CPNE4: variants seen among roughly 807,000 people sequenced by gnomAD.
CPNE4 encodes the protein copine 4.
In CPNE4, 25 loss-of-function variants were observed where a neutral mutation model predicts 67.9. That is an observed-to-expected ratio of 0.37 (90% CI 0.27 to 0.51). The LOEUF (loss-of-function observed/expected upper bound fraction) is 0.51, where lower values mean the gene tolerates loss of function less well. Among genes scored for constraint, CPNE4 ranks in the 20% least tolerant of loss-of-function variants. CPNE4 has a pLI of 0.93. For synonymous variants in CPNE4, 242 were observed against 244.9 expected (o/e 0.99, Z 0.11); for missense variants, 464 against 690.8 (o/e 0.67, Z 3.68).
At chr3:131,906,211 T>C (rs916089797) in intron 1 of CPNE4, among the ~76,000 whole-genome samples, 26 of 127,256 alleles carry the variant, frequency 2.0e-4, no homozygotes, top group Non-Finnish European at 3.3e-4. Context: ...TGTTTTTTTT[T>C]GTTGTTGTTG....
intron 4 of CPNE4, among the ~76,000 whole-genome samples, chr3:131,698,233 C>CAAAA (rs369274504): frequency 2.5e-4 from 16 of 64,396 alleles, no homozygotes; most frequent in East Asian, 1.5e-3. Context: ...GGCTCTGTCT[C>CAAAA]AAAAAAAAAA....
At chr3:132,001,440 C>T (rs2073428772) in intron 1 of CPNE4, among the ~76,000 whole-genome samples, 1 of 151,434 alleles carries the variant, frequency 6.6e-6, no homozygotes. Flanking sequence ...TACAAATGGA[C>T]CATACAAATG....
chr3:131,963,791 A>G (rs1288505059), intron 1 of CPNE4, among the ~76,000 whole-genome samples: 1 of 152,196 alleles, frequency 6.6e-6, no homozygotes, highest in African/African-American at 2.4e-5. Flanking sequence ...TGGGGGAAGG[A>G]GCAGCTGTTG....
intron 2 of CPNE4, among the ~76,000 whole-genome samples, chr3:131,735,580 C>G (rs574181008): frequency 6.6e-6 from 1 of 152,336 alleles, no homozygotes; most frequent in African/African-American, 2.4e-5. Flanking sequence ...GTTTAGCCCT[C>G]TCTTTCTCTG....
intron 8 of CPNE4, among the ~76,000 whole-genome samples, chr3:131,584,428 C>T (rs1402726114): frequency 6.6e-6 from 1 of 152,138 alleles, no homozygotes; most frequent in Non-Finnish European, 1.5e-5. Flanking sequence ...CAACCATTTC[C>T]TCCTTCCCTT....
intron 1 of CPNE4, among the ~76,000 whole-genome samples, chr3:131,940,107 A>T (rs895784916): frequency 1.3e-5 from 2 of 152,126 alleles, no homozygotes; most frequent in African/African-American, 4.8e-5. Context: ...TAATAATATT[A>T]TGTTCAACTG....
intron 1 of CPNE4, among the ~76,000 whole-genome samples, chr3:131,983,730 G>T (rs2107640043): frequency 6.6e-6 from 1 of 152,190 alleles, no homozygotes; most frequent in South Asian, 2.1e-4. Flanking sequence ...AATGTCTGTG[G>T]AGCCAAAGAA....
chr3:131,975,479 A>G (rs955228515), intron 1 of CPNE4, among the ~76,000 whole-genome samples: 6 of 152,230 alleles, frequency 3.9e-5, no homozygotes, highest in Admixed American at 3.3e-4. Flanking sequence ...CTAGGCTTCT[A>G]TGAAAACATT....
At chr3:131,797,741 T>A (rs964563304) in intron 2 of CPNE4, among the ~76,000 whole-genome samples, 1 of 152,198 alleles carries the variant, frequency 6.6e-6, no homozygotes, top group Non-Finnish European at 1.5e-5. Context: ...ATATAAGCTA[T>A]CCTGCTCAGA....
chr3:131,746,864 C>A (rs1459832935), intron 2 of CPNE4, among the ~76,000 whole-genome samples: 1 of 152,116 alleles, frequency 6.6e-6, no homozygotes, highest in African/African-American at 2.4e-5. Flanking sequence ...CCCATAATGG[C>A]TGTATTAACT....
chr3:131,657,854 G>A (rs532559659), intron 7 of CPNE4, among the ~76,000 whole-genome samples: 2 of 152,064 alleles, frequency 1.3e-5, no homozygotes, highest in Non-Finnish European at 2.9e-5. Flanking sequence ...GTGAGATACC[G>A]TGCCCGGCCG....
chr3:131,807,854 G>A (rs753300132), intron 2 of CPNE4, among the ~76,000 whole-genome samples: 1 of 152,006 alleles, frequency 6.6e-6, no homozygotes, highest in African/African-American at 2.4e-5. Flanking sequence ...AATATTGCCC[G>A]TCTTATTTTT....
intron 12 of CPNE4, 94 bp downstream of exon 12, chr3:131,555,403 G>T: frequency 1.9e-6 from 2 of 1,068,490 alleles, no homozygotes; most frequent in Non-Finnish European, 2.8e-6. Context: ...ACACAGTTAG[G>T]TCAGAGTCAG....
chr3:131,700,212 C>A (rs2107703646), intron 3 of CPNE4, among the ~76,000 whole-genome samples: 1 of 152,004 alleles, frequency 6.6e-6, no homozygotes, highest in South Asian at 2.1e-4. Flanking sequence ...TGAAGAATTA[C>A]AGATAATGCA....
intron 2 of CPNE4, among the ~76,000 whole-genome samples, chr3:131,782,350 A>G (rs1396527180): frequency 6.6e-6 from 1 of 152,164 alleles, no homozygotes; most frequent in Non-Finnish European, 1.5e-5. Context: ...CTAGCAGGTC[A>G]TATGTTATGA....
intron 1 of CPNE4, among the ~76,000 whole-genome samples, chr3:131,955,316 T>C (rs2107902284): frequency 6.6e-6 from 1 of 151,946 alleles, no homozygotes; most frequent in South Asian, 2.1e-4. Flanking sequence ...CTTTCTTTCT[T>C]AGTTGGTTAA....
rs1004107863 is a variant in CPNE4 at position 131,996,067 on chromosome 3, G to A, written c.-2+38500C>T. On this transcript the variant is annotated intron_variant, in intron 1 of 15. Coordinates refer to ENST00000429747, the MANE Select transcript of CPNE4 (RefSeq NM_130808.3). ...GCACAATCCATTTAAAAAAATATAT[G>A]CTGTTGATCAAGCCAAACCTCAGCT... Among the ~76,000 whole-genome samples the A allele has an allele frequency of 2.0e-5, 3 of 152,242 alleles. No individual in the cohort carries two copies. In the East Asian group the frequency reaches 5.8e-4, roughly 29 times the overall value.
chr3:131,798,376 A>T (rs980069180), intron 2 of CPNE4, among the ~76,000 whole-genome samples: 2 of 152,132 alleles, frequency 1.3e-5, no homozygotes, highest in African/African-American at 2.4e-5. Context: ...CCAGGGGCCT[A>T]CTCTGTTTCA....
intron 2 of CPNE4, among the ~76,000 whole-genome samples, chr3:131,727,639 T>C (rs2082031327): frequency 6.6e-6 from 1 of 152,342 alleles, no homozygotes; most frequent in Admixed American, 6.5e-5. Flanking sequence ...ATTTAAAGTA[T>C]ACAATTCAAT....
Sources: allele counts gnomAD v4.1 joint callset (sites outside exome capture counted in the v4.1 genomes callset), GRCh38; gene constraint gnomAD v4.1.1; transcripts MANE v1.5; gene names NCBI Gene and HGNC (gene_info 2026-07-23, HGNC 2026-07-21).